ZBTB16: variants seen among roughly 807,000 people sequenced by gnomAD.
ZBTB16 encodes zinc finger and BTB domain containing 16, also known as zinc finger and BTB domain-containing protein 16.
A neutral mutation model predicts 56.8 loss-of-function variants in ZBTB16; 8 were observed. That is an observed-to-expected ratio of 0.14 (90% CI 0.08 to 0.25). The LOEUF is 0.25. ZBTB16 is among the 10% of genes least tolerant of loss of function. The pLI is 1.00. For missense variants in ZBTB16, 625 were observed against 903.0 expected (o/e 0.69, Z 3.95); for synonymous variants, 363 against 368.5 (o/e 0.98, Z 0.17).
At chr11:114,199,320 T>C (rs183488071) in intron 4 of ZBTB16, among the ~76,000 whole-genome samples, 3,575 of 118,124 alleles carry the variant, frequency 0.03, 62 homozygotes, top group Middle Eastern at 0.065. Context: ...GGCCCCGGGA[T>C]GGGGATGCCG....
chr11:114,246,634 G>A (rs952357669), intron 5 of ZBTB16, among the ~76,000 whole-genome samples: 8 of 152,192 alleles, frequency 5.3e-5, no homozygotes, highest in Non-Finnish European at 1.0e-4. Flanking sequence ...GCGTCCACGC[G>A]GGGGTATCAT....
chr11:114,149,573 GCATA>G (rs1249679790), intron 2 of ZBTB16, among the ~76,000 whole-genome samples: 2 of 152,044 alleles, frequency 1.3e-5, no homozygotes, highest in Non-Finnish European at 2.9e-5. Context: ...TTACTTTATG[GCATA>G]CATAAAGAGC....
Position 114,063,149 on chromosome 11 carries a change from A to C in ZBTB16, c.-90-62A>C. The C allele has an allele frequency of 1.2e-6, 1 of 818,614 alleles. No homozygotes were observed. Among genetic ancestry groups the C allele is most frequent in the Non-Finnish European group, 2.0e-6 (1 of 510,474 alleles). 50.7% of individuals were successfully genotyped at this position (818,614 alleles called of 1,614,324 possible). A position where few individuals can be genotyped will look rare whatever the true frequency, so the allele number is the denominator to read the frequency against. The stretch of plus-strand genomic sequence containing the variant: ...TGGTTGAATTCTTACTTTTAGGGAC[A>C]CTGATGAATTTGTCTTTTGTTCTCT... On this transcript the variant is annotated intron_variant, in intron 1 of 6. Coordinates refer to ENST00000335953, the MANE Select transcript of ZBTB16 (RefSeq NM_006006.6). This position sits in a 1 kb window ranked among gnomAD's most constrained non-coding sequence, Gnocchi z 6.5.
Position 114,064,433 on chromosome 11 carries a change from G to A in ZBTB16, c.1133G>A (p.Gly378Asp). The change falls in exon 2 of 7, where the codon GGC (glycine) becomes GAC (aspartate). Residue 378 changes from glycine (G) to aspartate (D), a missense_variant. Physicochemically the swap from Gly to Asp is moderately conservative, Grantham distance 94. This residue lies in a region of ZBTB16 where 384 missense variants were observed against 393.5 expected (regional missense o/e 0.98). Coordinates refer to ENST00000335953, the MANE Select transcript of ZBTB16 (RefSeq NM_006006.6). The surrounding 1 kb of genome is among the most constrained non-coding windows in gnomAD (Gnocchi z 4.2). Reference protein sequence around the residue: ...FSTYGGLLPQGFIQRELFSKL... With the variant: ...FSTYGGLLPQDFIQRELFSKL... The stretch of plus-strand genomic sequence containing the variant: ...ACCTATGGGGGGCTGCTGCCCCAGG[G>A]CTTCATCCAGAGGGAGCTGTTCAGC... The A allele has an allele frequency of 1.2e-6, 2 of 1,614,098 alleles. No individual in the cohort carries two copies. The highest frequency in any genetic ancestry group is 2.2e-5 in the East Asian group (1 of 44,868).
intron 4 of ZBTB16, among the ~76,000 whole-genome samples, chr11:114,225,128 C>T (rs1046214013): frequency 4.6e-5 from 7 of 151,874 alleles, no homozygotes; most frequent in Non-Finnish European, 8.8e-5. Context: ...GGGAGTTGGA[C>T]GACGGGCCTT....
At chr11:114,130,504 G>A (rs998601532) in intron 2 of ZBTB16, among the ~76,000 whole-genome samples, 2 of 152,250 alleles carry the variant, frequency 1.3e-5, no homozygotes, top group African/African-American at 4.8e-5. Context: ...GGCTGGCTGT[G>A]TATGGGCATG....
In ZBTB16 at chr11:114,101,158, C is replaced by G. The variant is rs55974263; in HGVS notation, c.1268+36590C>G. Among the ~76,000 whole-genome samples, 1,143 of 152,218 alleles carry G rather than the reference C, an allele frequency of 7.5e-3. 16 individuals carry two copies. Among genetic ancestry groups the G allele is most frequent in the African/African-American group, 0.025 (1,054 of 41,540 alleles). ...TAGCTGGGATTACAGGTGTATGCCACCACAGCCTGCTAATTTTTAAGTTTT... is the reference window on the plus strand; with the variant it reads ...TAGCTGGGATTACAGGTGTATGCCAGCACAGCCTGCTAATTTTTAAGTTTT... On this transcript the variant is annotated intron_variant, in intron 2 of 6. Coordinates refer to ENST00000335953, the MANE Select transcript of ZBTB16 (RefSeq NM_006006.6).
chr11:114,204,216 C>T lies in ZBTB16; in HGVS notation c.1453+17178C>T, dbSNP rs7110860. Among the ~76,000 whole-genome samples the T allele has an allele frequency of 4.1e-3, 621 of 151,480 alleles. 4 individuals are homozygous for T. The highest frequency in any genetic ancestry group is 0.014 in the African/African-American group (592 of 41,248). On this transcript the variant is annotated intron_variant, in intron 4 of 6. Coordinates refer to ENST00000335953, the MANE Select transcript of ZBTB16 (RefSeq NM_006006.6). ...TTTTCTAGGCTGGAGTGCCATGGCACGATCTCGGCTCACTGCCACCTCTAC... is the reference window on the plus strand; with the variant it reads ...TTTTCTAGGCTGGAGTGCCATGGCATGATCTCGGCTCACTGCCACCTCTAC...
chr11:114,216,571 A>G (rs1164499064), intron 4 of ZBTB16, among the ~76,000 whole-genome samples: 2 of 152,182 alleles, frequency 1.3e-5, no homozygotes, highest in Non-Finnish European at 2.9e-5. Context: ...GCCCAGAGGA[A>G]CATTCTGGCA....
chr11:114,141,268 A>G (rs1263261940), intron 2 of ZBTB16, among the ~76,000 whole-genome samples: 1 of 152,084 alleles, frequency 6.6e-6, no homozygotes, highest in Non-Finnish European at 1.5e-5. Context: ...AACCCTTCGG[A>G]GCTTCCAGAG....
chr11:114,065,443 T>G (rs1384328654), intron 2 of ZBTB16, among the ~76,000 whole-genome samples: 1 of 152,054 alleles, frequency 6.6e-6, no homozygotes, highest in Non-Finnish European at 1.5e-5. Context: ...GGATGTGAAG[T>G]TTCGCTCTCC....
At chr11:114,125,409 G>A (rs1941477956) in intron 2 of ZBTB16, among the ~76,000 whole-genome samples, 1 of 152,152 alleles carries the variant, frequency 6.6e-6, no homozygotes, top group Non-Finnish European at 1.5e-5. Flanking sequence ...GAGACAGGTG[G>A]TATTATCTTT....
At chr11:114,234,269 T>G (rs3825043) in intron 4 of ZBTB16, among the ~76,000 whole-genome samples, 10,016 of 152,280 alleles carry the variant, frequency 0.066, 922 homozygotes, top group African/African-American at 0.21. Flanking sequence ...GGTTTTTGGC[T>G]CTTAGCTTGG....
intron 4 of ZBTB16, among the ~76,000 whole-genome samples, chr11:114,223,689 A>C (rs1433786431): frequency 6.6e-6 from 1 of 152,124 alleles, no homozygotes; most frequent in African/African-American, 2.4e-5. Flanking sequence ...GAGGCACACA[A>C]GAAAATAAGC....
At chr11:114,140,042 A>C (rs1013796872) in intron 2 of ZBTB16, among the ~76,000 whole-genome samples, 5 of 151,462 alleles carry the variant, frequency 3.3e-5, no homozygotes, top group Non-Finnish European at 5.9e-5. Flanking sequence ...TTTCAACCCC[A>C]CCTCTTTTCT....
At chr11:114,224,241 G>T (rs1191363454) in intron 4 of ZBTB16, among the ~76,000 whole-genome samples, 1 of 152,008 alleles carries the variant, frequency 6.6e-6, no homozygotes, top group Non-Finnish European at 1.5e-5. Context: ...TGTATGAGGG[G>T]GTGGATAAAT....
chr11:114,065,178 C>T (rs191268915), intron 2 of ZBTB16, among the ~76,000 whole-genome samples: 1 of 152,290 alleles, frequency 6.6e-6, no homozygotes, highest in East Asian at 1.9e-4. Context: ...GATTTAAATG[C>T]AAGGGGAAAG....
At chr11:114,099,582 C>A (rs986700300) in intron 2 of ZBTB16, among the ~76,000 whole-genome samples, 2 of 152,048 alleles carry the variant, frequency 1.3e-5, no homozygotes, top group Non-Finnish European at 2.9e-5. Context: ...CAAGGCTTAG[C>A]CTGCTGGTGA....
intron 4 of ZBTB16, among the ~76,000 whole-genome samples, chr11:114,202,654 C>T (rs1034209644): frequency 1.3e-5 from 2 of 152,088 alleles, no homozygotes; most frequent in Non-Finnish European, 2.9e-5. Flanking sequence ...TTTAGAAAAG[C>T]GGCTTAAATA....
Sources: gnomAD v4.1 joint callset for allele counts (sites outside exome capture counted in the v4.1 genomes callset) on GRCh38, gnomAD v4.1.1 for gene constraint, gnomAD v4.1.1 regional missense constraint, Gnocchi (gnomAD v3.1) non-coding constraint, MANE v1.5 for transcripts, NCBI Gene and HGNC (gene_info 2026-07-23, HGNC 2026-07-21) for gene names.